The following MTA3 variants were observed in gnomAD, a reference collection of about 807,000 sequenced individuals.
MTA3 encodes metastasis associated 1 family member 3, also known as metastasis-associated protein MTA3.
In MTA3, 34 loss-of-function variants were observed where a neutral mutation model predicts 83.5. The ratio of observed to expected loss-of-function variants is 0.41; its 90% CI spans 0.31 to 0.54. The LOEUF (loss-of-function observed/expected upper bound fraction) is 0.54, where lower values mean the gene tolerates loss of function less well. MTA3 is among the 20% of genes least tolerant of loss of function. The pLI is 0.33. For synonymous variants in MTA3, 303 were observed against 252.7 expected, an observed-to-expected ratio of 1.20 and a Z score of -1.89; for missense variants, 761 against 726.4, an observed-to-expected ratio of 1.05 and a Z score of -0.55.
intron 1 of MTA3, among the ~76,000 whole-genome samples, chr2:42,570,174 A>T (rs983037166): frequency 3.3e-5 from 5 of 152,146 alleles, no homozygotes; most frequent in Non-Finnish European, 5.9e-5. Flanking sequence ...TTTGTTTATT[A>T]TTAAAGAAAT....
chr2:42,724,793 G>C (rs1396600428), intron 16 of MTA3, among the ~76,000 whole-genome samples: 1 of 152,174 alleles, frequency 6.6e-6, no homozygotes, highest in Non-Finnish European at 1.5e-5. Flanking sequence ...ACAGGTACCT[G>C]TTTTTCTGGA....
Position 42,755,311 on chromosome 2 carries a change from G to A in MTA3, c.*1912G>A. On this transcript the variant is annotated 3_prime_UTR_variant, in exon 17 of 17. Coordinates refer to ENST00000405094, the MANE Select transcript of MTA3 (RefSeq NM_001330442.2). Reference sequence around the variant, plus strand: ...CTGCAGATTCTGGAAACAATTAGCTGCCCGTGACTCAGCTGCCAGCTTCAT... The same window carrying A: ...CTGCAGATTCTGGAAACAATTAGCTACCCGTGACTCAGCTGCCAGCTTCAT... 5 of 985,474 alleles carry A rather than the reference G, an allele frequency of 5.1e-6. No individual in the cohort carries two copies. Among genetic ancestry groups the A allele is most frequent in the Non-Finnish European group, 6.0e-6 (5 of 829,992 alleles). 61.0% of individuals were successfully genotyped at this position (985,474 alleles called of 1,614,324 possible).
At chr2:42,644,392 A>T (rs140980718) in intron 6 of MTA3, 148 bp downstream of exon 6, 425 of 535,984 alleles carry the variant, frequency 7.9e-4, no homozygotes, top group East Asian at 2.2e-3. Context: ...TAAAAAATAA[A>T]AAATAAATAA....
At chr2:42,739,235 C>T (rs923940453) in intron 16 of MTA3, among the ~76,000 whole-genome samples, 3 of 152,054 alleles carry the variant, frequency 2.0e-5, no homozygotes, top group African/African-American at 7.2e-5. Flanking sequence ...TGTACACTGT[C>T]CCTTTATTTC....
chr2:42,573,545 C>G (rs1277171223), intron 2 of MTA3, among the ~76,000 whole-genome samples: 1 of 152,100 alleles, frequency 6.6e-6, no homozygotes, highest in Non-Finnish European at 1.5e-5. Flanking sequence ...GATTCTTGCT[C>G]TGTTGCCCAG....
chr2:42,502,527 G>A (rs973805043), intron 2 of MTA3, among the ~76,000 whole-genome samples: 7 of 152,104 alleles, frequency 4.6e-5, no homozygotes, highest in Admixed American at 3.9e-4. Flanking sequence ...AGCCGGGTGC[G>A]GCGGCTCATG....
intron 14 of MTA3, among the ~76,000 whole-genome samples, chr2:42,709,994 T>G (rs1666462042): frequency 6.6e-6 from 1 of 152,218 alleles, no homozygotes; most frequent in Non-Finnish European, 1.5e-5. Context: ...TGGAGTCACA[T>G]TCCAGGCTAG....
intron 9 of MTA3, among the ~76,000 whole-genome samples, chr2:42,683,654 A>G (rs1422035191): frequency 6.6e-6 from 1 of 152,196 alleles, no homozygotes; most frequent in Non-Finnish European, 1.5e-5. Context: ...GTGATAGATC[A>G]TTAGGCATTA....
chr2:42,739,915 C>G (rs985159199), intron 16 of MTA3, among the ~76,000 whole-genome samples: 1 of 152,358 alleles, frequency 6.6e-6, no homozygotes, highest in Middle Eastern at 3.4e-3. Context: ...GCCACATCTT[C>G]AGGTTCCACT....
At chr2:42,659,578 T>C in intron 7 of MTA3, 185 bp from the exon 8 acceptor site, 1 of 300,172 alleles carries the variant, frequency 3.3e-6, no homozygotes. Flanking sequence ...AATTGGCTTG[T>C]CAATTATTAT....
chr2:42,536,698 A>G (rs536350820), intron 2 of MTA3, among the ~76,000 whole-genome samples: 37 of 151,562 alleles, frequency 2.4e-4, no homozygotes, highest in African/African-American at 8.2e-4. Context: ...TCTCTACTAA[A>G]AATACAAAAA....
intron 3 of MTA3, among the ~76,000 whole-genome samples, chr2:42,579,954 G>T (rs2103873614): frequency 6.6e-6 from 1 of 151,074 alleles, no homozygotes; most frequent in Non-Finnish European, 1.5e-5. Context: ...TAGTTTTTTT[G>T]GTGAGGGGAC....
intron 7 of MTA3, among the ~76,000 whole-genome samples, chr2:42,656,541 A>C (rs980477696): frequency 6.6e-6 from 1 of 152,220 alleles, no homozygotes; most frequent in Non-Finnish European, 1.5e-5. Flanking sequence ...TAAAGAAGAA[A>C]TTCTTTATAC....
At chr2:42,722,189 A>G (rs1297138748) in intron 15 of MTA3, among the ~76,000 whole-genome samples, 1 of 152,198 alleles carries the variant, frequency 6.6e-6, no homozygotes, top group East Asian at 1.9e-4. Flanking sequence ...CAGTTCCTAC[A>G]GTGTTACAGT....
intron 2 of MTA3, among the ~76,000 whole-genome samples, chr2:42,525,790 T>G (rs1456522298): frequency 2.6e-5 from 4 of 151,832 alleles, no homozygotes; most frequent in African/African-American, 7.3e-5. Flanking sequence ...CTCAAGAAGC[T>G]GGGACCACAG....
intron 2 of MTA3, among the ~76,000 whole-genome samples, chr2:42,556,024 A>C (rs1214546636): frequency 6.6e-6 from 1 of 152,074 alleles, no homozygotes; most frequent in East Asian, 1.9e-4. Flanking sequence ...GTGAGCCGAC[A>C]CAGTGCCGCT....
intron 2 of MTA3, among the ~76,000 whole-genome samples, chr2:42,501,324 A>G (rs1206553658): frequency 6.6e-6 from 1 of 152,134 alleles, no homozygotes. Flanking sequence ...TCCAGTGGTT[A>G]AGAATCTTTC....
At chr2:42,726,909 C>G (rs993801039) in intron 16 of MTA3, among the ~76,000 whole-genome samples, 5 of 152,264 alleles carry the variant, frequency 3.3e-5, no homozygotes, top group African/African-American at 1.2e-4. Context: ...AAGATGTATA[C>G]ATAGGGGGAG....
At chr2:42,514,126 T>C (rs1229682591) in intron 2 of MTA3, among the ~76,000 whole-genome samples, 12 of 151,954 alleles carry the variant, frequency 7.9e-5, no homozygotes, top group Non-Finnish European at 1.5e-5. Flanking sequence ...GGCAGGAGAA[T>C]CACTTGAACC....
Sources: gnomAD v4.1 joint callset for allele counts (sites outside exome capture counted in the v4.1 genomes callset) on GRCh38, gnomAD v4.1.1 for gene constraint, MANE v1.5 for transcripts, NCBI Gene and HGNC (gene_info 2026-07-23, HGNC 2026-07-21) for gene names.